AMOT: variants seen among roughly 807,000 people sequenced by gnomAD.
AMOT encodes angiomotin.
AMOT carries 11 observed loss-of-function variants against 67.0 expected under a neutral mutation model. That is an observed-to-expected ratio of 0.16 (90% CI 0.10 to 0.27). The LOEUF is 0.27. Among genes scored for constraint, AMOT ranks in the 10% least tolerant of loss-of-function variants. The pLI, the probability that AMOT is intolerant of heterozygous loss-of-function variation, is 1.00. For missense variants in AMOT, 753 were observed against 852.0 expected (o/e 0.88, Z 1.45); for synonymous variants, 326 against 321.4 (o/e 1.01, Z -0.15).
At chrX:112,816,954 G>A (rs376181487) in intron 4 of AMOT, among the ~76,000 whole-genome samples, 9 of 112,308 alleles carry the variant, frequency 8.0e-5, no homozygotes, top group African/African-American at 2.6e-4. Flanking sequence ...CAATTAGTAT[G>A]TGGATGGATC....
At chrX:112,839,195 T>A (rs1602856330) in intron 1 of AMOT, among the ~76,000 whole-genome samples, 1 of 112,518 alleles carries the variant, frequency 8.9e-6, no homozygotes, top group Admixed American at 9.4e-5. Flanking sequence ...TTGAACACCA[T>A]CACTTACAGG....
At chrX:112,788,339 C>T (rs138972778) in intron 10 of AMOT, among the ~76,000 whole-genome samples, 1 of 109,276 alleles carries the variant, frequency 9.2e-6, no homozygotes, top group African/African-American at 3.3e-5. Context: ...AAACTTTTAC[C>T]ATGGAAAGGG....
intron 8 of AMOT, among the ~76,000 whole-genome samples, chrX:112,794,109 A>T (rs1933711968): frequency 8.9e-6 from 1 of 112,384 alleles, no homozygotes. Flanking sequence ...AAAGGCAATT[A>T]AACTTAGATA....
Position 112,822,433 on chromosome X carries a change from CCTT to C in AMOT, c.691_693del (p.Lys231del). The C allele has an allele frequency of 1.7e-6, 2 of 1,167,792 alleles. No individual in the cohort carries two copies. Among genetic ancestry groups the C allele is most frequent in the Non-Finnish European group, 2.3e-6 (2 of 873,059 alleles). On this transcript the variant is annotated inframe_deletion, in exon 4 of 14. Transcript: ENST00000371959. ...GGTGGGGGGCCTCGGTGTTCCATGC[CCTT>C]CAGGCTATGCTGGTTAGGAAGTGGC...
rs569329193 is a variant in AMOT at position 112,808,161 on chromosome X, C to T, written c.1630+1733G>A. On this transcript the variant is annotated intron_variant, in intron 7 of 13. Coordinates refer to ENST00000371959, the MANE Select transcript of AMOT (RefSeq NM_001113490.2). Reference sequence around the variant, plus strand: ...GAAAGAAAGGAACATTCGTTGAATACGTATTGCATACCAGGTATTGTACTA... The same window carrying T: ...GAAAGAAAGGAACATTCGTTGAATATGTATTGCATACCAGGTATTGTACTA... Among the ~76,000 whole-genome samples the T allele has an allele frequency of 3.9e-4, 44 of 112,185 alleles. No individual in the cohort carries two copies. The South Asian group carries it at 0.015, about 37-fold the overall frequency.
chrX:112,827,157 C>T (rs1270746441), intron 2 of AMOT, among the ~76,000 whole-genome samples: 1 of 112,628 alleles, frequency 8.9e-6, no homozygotes, highest in Non-Finnish European at 1.9e-5. Context: ...ACGCTAGGCC[C>T]CTCCATATCC....
chrX:112,836,374 G>A (rs1935130668), intron 1 of AMOT, among the ~76,000 whole-genome samples: 1 of 111,955 alleles, frequency 8.9e-6, no homozygotes, highest in Non-Finnish European at 1.9e-5. Context: ...AGTGTTTAGG[G>A]ATTACTTATT....
chrX:112,807,622 A>G (rs1490754989), intron 7 of AMOT, among the ~76,000 whole-genome samples: 1 of 111,804 alleles, frequency 8.9e-6, no homozygotes, highest in Non-Finnish European at 1.9e-5. Flanking sequence ...AAGAATCAAC[A>G]ATGCTAGATG....
chrX:112,805,081 G>C lies in AMOT; in HGVS notation c.1642C>G (p.Gln548Glu), dbSNP rs774669790. 3 of 1,211,407 alleles carry C rather than the reference G, an allele frequency of 2.5e-6. No individual in the cohort carries two copies. The East Asian group carries it at 8.9e-5, about 36-fold the overall frequency. ...SQLFAKNKES[Q>E]REKEKLEAEL... Reference sequence around the variant, plus strand: ...GCTTCCAGCTTCTCCTTCTCACGCTGGCTTTCTTTATCTGTCAGGACATTA... The same window carrying C: ...GCTTCCAGCTTCTCCTTCTCACGCTCGCTTTCTTTATCTGTCAGGACATTA... The change falls in exon 8 of 14, where the codon CAG becomes GAG. Residue 548 changes from glutamine (Q) to glutamate (E), a missense_variant. Gln to Glu is a conservative substitution (Grantham distance 29, BLOSUM62 2). This residue lies in a region of AMOT where 297 missense variants were observed against 284.3 expected (regional missense o/e 1.04). Coordinates refer to ENST00000371959, the MANE Select transcript of AMOT (RefSeq NM_001113490.2).
At chrX:112,786,897 C>T (rs757191902) in intron 10 of AMOT, among the ~76,000 whole-genome samples, 3 of 111,824 alleles carry the variant, frequency 2.7e-5, no homozygotes, top group Non-Finnish European at 5.6e-5. Flanking sequence ...CTTCAATTTT[C>T]TCTCTCTTTC....
chrX:112,840,379 G>C (rs867150070), intron 1 of AMOT, 73 bp downstream of exon 1: 1 of 112,533 alleles, frequency 8.9e-6, no homozygotes, highest in Non-Finnish European at 1.9e-5. Flanking sequence ...CTCACGCCGA[G>C]GGCACGACCA....
chrX:112,804,801 TCAGCA>T (rs1311729805), intron 8 of AMOT, 141 bp downstream of exon 8: 18 of 798,655 alleles, frequency 2.3e-5, no homozygotes, highest in Non-Finnish European at 3.0e-5. Flanking sequence ...TCCACTCACA[TCAGCA>T]CAGTGGAAAC....
chrX:112,836,746 CT>C (rs1935139157), intron 1 of AMOT, among the ~76,000 whole-genome samples: 1 of 108,259 alleles, frequency 9.2e-6, no homozygotes, highest in African/African-American at 3.4e-5. Context: ...AACATGATGA[CT>C]AGATGATTGA....
chrX:112,832,260 C>T (rs1479150939), intron 2 of AMOT, 34 bp downstream of exon 2: 1 of 111,867 alleles, frequency 8.9e-6, no homozygotes, highest in East Asian at 2.8e-4. Flanking sequence ...CAAAGAAAGA[C>T]ATGGAATAAC....
At chrX:112,802,248 G>C (rs1426405932) in intron 8 of AMOT, among the ~76,000 whole-genome samples, 1 of 112,210 alleles carries the variant, frequency 8.9e-6, no homozygotes, top group Non-Finnish European at 1.9e-5. Context: ...AGCCCTGAAA[G>C]AGCAAAGCCT....
intron 7 of AMOT, among the ~76,000 whole-genome samples, chrX:112,808,589 C>T (rs913531022): frequency 2.8e-4 from 31 of 112,023 alleles, no homozygotes; most frequent in Non-Finnish European, 4.5e-4. Context: ...TTTGCCCTGC[C>T]GGTAATACCG....
In AMOT at chrX:112,800,980, G is replaced by T. The variant is rs1441951592; in HGVS notation, c.1776+3967C>A. 5.4e-5 allele frequency among the ~76,000 whole-genome samples: 6 copies of T among 111,744 alleles called. No homozygotes were observed. In the Admixed American group the frequency reaches 5.7e-4, roughly 11 times the overall value. On this transcript the variant is annotated intron_variant, in intron 8 of 13. Coordinates refer to ENST00000371959, the MANE Select transcript of AMOT (RefSeq NM_001113490.2). ...CAAGGCTCACTGGCTCTCTCTGCCA[G>T]CCCTCTCACATTCCACACTCTCCCT...
At chrX:112,793,403 C>T (rs1162064853) in intron 8 of AMOT, among the ~76,000 whole-genome samples, 1 of 111,680 alleles carries the variant, frequency 9.0e-6, no homozygotes, top group African/African-American at 3.3e-5. Flanking sequence ...TTAGCTGGGG[C>T]CCAGCTGGCA....
chrX:112,785,478 G>A (rs927758794), intron 10 of AMOT, among the ~76,000 whole-genome samples: 6 of 112,010 alleles, frequency 5.4e-5, no homozygotes, highest in African/African-American at 2.0e-4. Context: ...CTGGAGAGGG[G>A]AAAGGCATGG....
Sources: gnomAD v4.1 joint callset for allele counts (sites outside exome capture counted in the v4.1 genomes callset) on GRCh38, gnomAD v4.1.1 for gene constraint, gnomAD v4.1.1 regional missense constraint, MANE v1.5 for transcripts, NCBI Gene and HGNC (gene_info 2026-07-23, HGNC 2026-07-21) for gene names.